TGFBR3: variants seen among roughly 807,000 people sequenced by gnomAD.
TGFBR3 encodes transforming growth factor beta receptor type 3.
Under a neutral mutation model 87.9 loss-of-function variants are expected in TGFBR3, and 46 were observed. The observed-to-expected ratio is 0.52, with a 90% CI of 0.41 to 0.67. TGFBR3 has a LOEUF of 0.67. Ranked by LOEUF, TGFBR3 falls within the 30% of genes least tolerant of loss-of-function variation. TGFBR3 has a pLI of 0.00. For missense variants in TGFBR3, 866 were observed against 1,041.9 expected (o/e 0.83, Z 2.32); for synonymous variants, 381 against 391.6 (o/e 0.97, Z 0.32).
At chr1:91,746,482 G>A (rs1241254003) in intron 4 of TGFBR3, among the ~76,000 whole-genome samples, 3 of 152,018 alleles carry the variant, frequency 2.0e-5, no homozygotes, top group Non-Finnish European at 4.4e-5. Context: ...CAAATTCAAA[G>A]TGCATTTCAA....
chr1:91,712,854 T>C (rs17878720), intron 12 of TGFBR3, among the ~76,000 whole-genome samples: 1,665 of 152,334 alleles, frequency 0.011, 28 homozygotes, highest in African/African-American at 0.037. Flanking sequence ...AATAAAAACA[T>C]ATTTTGCATT....
chr1:91,823,635 A>T (rs899021908), intron 2 of TGFBR3, among the ~76,000 whole-genome samples: 4 of 152,242 alleles, frequency 2.6e-5, no homozygotes, highest in Admixed American at 6.5e-5. Context: ...AGAGCACATG[A>T]ACTTCTAGAA....
intron 2 of TGFBR3, among the ~76,000 whole-genome samples, chr1:91,840,197 C>T (rs1041400470): frequency 2.0e-4 from 30 of 150,580 alleles, no homozygotes; most frequent in African/African-American, 7.1e-4. Flanking sequence ...TGGCGTGCAC[C>T]TGAAGTCCCA....
Position 91,681,255 on chromosome 1 carries a change from T to G in TGFBR3, c.*2484A>C. On this transcript the variant is annotated 3_prime_UTR_variant, in exon 17 of 17. Transcript: ENST00000212355. ...GGGAGAAAATACCTTATTTTTTTCA[T>G]GTTCATTTTTTAGAAACATTTCAGA... 1 of 441,982 alleles carries G rather than the reference T, an allele frequency of 2.3e-6. No homozygotes were observed. Among genetic ancestry groups the G allele is most frequent in the Non-Finnish European group, 4.5e-6 (1 of 222,646 alleles). 27.4% of individuals were successfully genotyped at this position (441,982 alleles called of 1,614,324 possible). A position where few individuals can be genotyped will look rare whatever the true frequency, so the allele number is the denominator to read the frequency against.
chr1:91,800,702 C>CAA (rs60115331), intron 2 of TGFBR3, among the ~76,000 whole-genome samples: 1 of 135,530 alleles, frequency 7.4e-6, no homozygotes, highest in African/African-American at 2.7e-5. Flanking sequence ...ACCAAAAAGA[C>CAA]AAAAAAAAAA....
intron 16 of TGFBR3, among the ~76,000 whole-genome samples, chr1:91,693,657 T>A (rs1386157935): frequency 2.0e-5 from 3 of 152,102 alleles, no homozygotes; most frequent in Non-Finnish European, 4.4e-5. Context: ...AGATTAGCTA[T>A]GAGAGTGCAG....
At chr1:91,795,054 G>A (rs1050428919) in intron 3 of TGFBR3, among the ~76,000 whole-genome samples, 10 of 152,236 alleles carry the variant, frequency 6.6e-5, no homozygotes, top group African/African-American at 2.2e-4. Flanking sequence ...TCATTCTCTC[G>A]TCCTGACCCT....
rs2101314069 is a variant in TGFBR3 at position 91,885,936 on chromosome 1, C to A, written c.-172G>T. On this transcript the variant is annotated 5_prime_UTR_variant, in exon 1 of 17. Transcript: ENST00000212355. The stretch of plus-strand genomic sequence containing the variant: ...GCAGCAAGTTGGAGGAAAGCGGCGG[C>A]AAGTTTCCCCGCCCAGCGCTCGGCG... The A allele has an allele frequency of 2.2e-6, 1 of 447,506 alleles. No individual in the cohort carries two copies. Among genetic ancestry groups the A allele is most frequent in the Admixed American group, 2.4e-5 (1 of 42,080 alleles). The allele number at this position is 447,506 out of a possible 1,614,324, so 27.7% of individuals were successfully genotyped here.
intron 5 of TGFBR3, among the ~76,000 whole-genome samples, chr1:91,734,493 T>C (rs1008576631): frequency 6.6e-6 from 1 of 152,164 alleles, no homozygotes; most frequent in Admixed American, 6.5e-5. Flanking sequence ...TTGACTTCTG[T>C]GCATGGGTGT....
chr1:91,694,334 C>G (rs1482706393), intron 16 of TGFBR3, among the ~76,000 whole-genome samples: 1 of 152,216 alleles, frequency 6.6e-6, no homozygotes, highest in Non-Finnish European at 1.5e-5. Flanking sequence ...TAGGAACAAG[C>G]ATTTGAGGAC....
In TGFBR3 at chr1:91,683,638, CCT is replaced by C; in HGVS notation, c.*99_*100del. 1 of 965,250 alleles carries C rather than the reference CCT, an allele frequency of 1.0e-6. No homozygotes were observed. The allele number at this position is 965,250 out of a possible 1,614,324, so 59.8% of individuals were successfully genotyped here. Reference sequence around the variant, plus strand: ...CTTTACAAGGGAACCAAAATCCAGCCCTCTGAGTCTGGACACGAGGCTCAGCC... The same window carrying C: ...CTTTACAAGGGAACCAAAATCCAGCCCTGAGTCTGGACACGAGGCTCAGCC... On this transcript the variant is annotated 3_prime_UTR_variant, in exon 17 of 17. Transcript: ENST00000212355.
chr1:91,700,486 T>C (rs1260401395), intron 14 of TGFBR3, among the ~76,000 whole-genome samples: 9 of 152,220 alleles, frequency 5.9e-5, no homozygotes, highest in African/African-American at 2.2e-4. Context: ...GTTATCAATG[T>C]CTGGCTCTAG....
chr1:91,737,872 G>C (rs1202989909), intron 4 of TGFBR3, among the ~76,000 whole-genome samples: 2 of 152,172 alleles, frequency 1.3e-5, no homozygotes, highest in African/African-American at 4.8e-5. Flanking sequence ...TTCATTTTAT[G>C]TGTCAACTTG....
intron 1 of TGFBR3, among the ~76,000 whole-genome samples, chr1:91,866,444 A>G (rs897887979): frequency 2.0e-5 from 3 of 152,230 alleles, no homozygotes; most frequent in African/African-American, 7.2e-5. Context: ...CTGATATTCA[A>G]TAAATATTAC....
intron 7 of TGFBR3, among the ~76,000 whole-genome samples, chr1:91,722,829 C>T (rs181105927): frequency 1.1e-3 from 168 of 152,136 alleles, no homozygotes; most frequent in African/African-American, 3.9e-3. Context: ...ACATGATGGT[C>T]AGTATTTGTG....
chr1:91,750,707 G>A (rs568725178), intron 4 of TGFBR3, among the ~76,000 whole-genome samples: 1 of 152,302 alleles, frequency 6.6e-6, no homozygotes, highest in South Asian at 2.1e-4. Context: ...TCTGGGGAAA[G>A]ACCTCACTGC....
At chr1:91,715,373 C>A (rs1672129667) in intron 12 of TGFBR3, among the ~76,000 whole-genome samples, 1 of 152,230 alleles carries the variant, frequency 6.6e-6, no homozygotes, top group Non-Finnish European at 1.5e-5. Flanking sequence ...TCTGGAGTCA[C>A]ACGGCCTATG....
chr1:91,729,190 CACACA>C (rs1672667429), intron 6 of TGFBR3, among the ~76,000 whole-genome samples: 3 of 140,580 alleles, frequency 2.1e-5, no homozygotes, highest in Non-Finnish European at 4.6e-5. Context: ...CACACACACA[CACACA>C]CCAAGCACAC....
At position 91,695,760 on chromosome 1, in the gene TGFBR3, G is replaced by A. The variant is rs781267646; in HGVS notation, c.2349C>T (p.Asp783=). Residue 783 remains aspartate, a synonymous_variant, in exon 16 of 17, where the codon GAC becomes GAT. Coordinates refer to ENST00000212355, the MANE Select transcript of TGFBR3 (RefSeq NM_003243.5). ...ACGCAATGCCCATCACGGTTAGGGT[G>A]TCCAGACCATGGAAAATTGCTATAA... ...PISPPIFHGL[D]TLTVMGIAFA... is the part of the protein sequence containing the mutation. The A allele has an allele frequency of 6.8e-6, 11 of 1,614,026 alleles. No homozygotes were observed. Among genetic ancestry groups the A allele is most frequent in the Non-Finnish European group, 9.3e-6 (11 of 1,179,996 alleles).
Sources: gnomAD v4.1 joint callset for allele counts (sites outside exome capture counted in the v4.1 genomes callset) on GRCh38, gnomAD v4.1.1 for gene constraint, MANE v1.5 for transcripts, NCBI Gene and HGNC (gene_info 2026-07-23, HGNC 2026-07-21) for gene names.